The following CCDC7 variants were observed in gnomAD, a reference collection of about 807,000 sequenced individuals.
CCDC7 encodes coiled-coil domain-containing protein 7.
CCDC7 carries 183 observed loss-of-function variants against 196.9 expected under a neutral mutation model. That is an observed-to-expected ratio of 0.93 (90% CI 0.82 to 1.05). The LOEUF (loss-of-function observed/expected upper bound fraction) is 1.05, where lower values mean the gene tolerates loss of function less well. Ranked by LOEUF, CCDC7 falls within the 50% of genes least tolerant of loss-of-function variation. The pLI, the probability that CCDC7 is intolerant of heterozygous loss-of-function variation, is 0.00. For missense variants in CCDC7, 1,540 were observed against 1,482.2 expected (o/e 1.04, Z -0.64); for synonymous variants, 525 against 484.6 (o/e 1.08, Z -1.10).
chr10:32,685,547 C>A (rs1170288973), intron 21 of CCDC7, among the ~76,000 whole-genome samples: 1 of 152,166 alleles, frequency 6.6e-6, no homozygotes, highest in East Asian at 1.9e-4. Flanking sequence ...CCCTTGGACA[C>A]CCCTAGAACT....
At chr10:32,523,876 T>C (rs1358503556) in intron 11 of CCDC7, among the ~76,000 whole-genome samples, 1 of 152,106 alleles carries the variant, frequency 6.6e-6, no homozygotes, top group Non-Finnish European at 1.5e-5. Flanking sequence ...TCTTTATAGG[T>C]AAAGTATGTT....
chr10:32,845,641 T>A lies in CCDC7; in HGVS notation c.3520+15T>A. ...AAGTCACCCAGGTAAGAGAAAACAA[T>A]TTCAAGACTAATATTTATGGTTTAT... On this transcript the variant is annotated intron_variant, in intron 35 of 41. Transcript: ENST00000639629. 6.3e-7 allele frequency: 1 copy of A among 1,579,172 alleles called. No homozygotes were observed. Among genetic ancestry groups the A allele is most frequent in the Non-Finnish European group, 8.7e-7 (1 of 1,150,382 alleles).
chr10:32,763,826 G>A (rs1360655531), intron 28 of CCDC7, among the ~76,000 whole-genome samples: 1 of 151,740 alleles, frequency 6.6e-6, no homozygotes, highest in African/African-American at 2.4e-5. Flanking sequence ...GAGGGAAGGG[G>A]GACAAATGGG....
chr10:32,874,035 A>G (rs55637544), intron 41 of CCDC7, among the ~76,000 whole-genome samples: 13,655 of 151,472 alleles, frequency 0.09, 879 homozygotes, highest in East Asian at 0.33. Context: ...CTTTTCCTTC[A>G]CCAAATCCTG....
chr10:32,469,487 C>T (rs1355874715), intron 5 of CCDC7, among the ~76,000 whole-genome samples: 2 of 152,208 alleles, frequency 1.3e-5, no homozygotes, highest in Non-Finnish European at 2.9e-5. Context: ...CTCGAACTCA[C>T]TGGGAAGGTG....
chr10:32,545,793 C>A (rs1350674248), intron 13 of CCDC7, among the ~76,000 whole-genome samples: 1 of 151,702 alleles, frequency 6.6e-6, no homozygotes, highest in African/African-American at 2.4e-5. Context: ...GCAGTCCCAG[C>A]CACTCCAGAG....
intron 28 of CCDC7, among the ~76,000 whole-genome samples, chr10:32,738,473 C>CTT (rs33944221): frequency 0.059 from 6,489 of 109,568 alleles, 750 homozygotes; most frequent in African/African-American, 0.2. Flanking sequence ...GTTTCTTTCA[C>CTT]TTTTTTTTTT....
chr10:32,734,005 T>C (rs906756822), intron 28 of CCDC7, among the ~76,000 whole-genome samples: 2 of 152,198 alleles, frequency 1.3e-5, no homozygotes, highest in African/African-American at 4.8e-5. Flanking sequence ...TCAACCATTA[T>C]GGAAAACAGT....
At chr10:32,719,661 A>T (rs546696567) in intron 25 of CCDC7, among the ~76,000 whole-genome samples, 2 of 152,294 alleles carry the variant, frequency 1.3e-5, no homozygotes, top group South Asian at 4.1e-4. Flanking sequence ...AAGGAACTTA[A>T]ACAAATTTAC....
At chr10:32,603,930 TG>T (rs2061328564) in intron 18 of CCDC7, among the ~76,000 whole-genome samples, 1 of 152,294 alleles carries the variant, frequency 6.6e-6, no homozygotes, top group Non-Finnish European at 1.5e-5. Flanking sequence ...TTTCTTCTGC[TG>T]GGCAGAAGCT....
intron 9 of CCDC7, among the ~76,000 whole-genome samples, chr10:32,508,932 AT>A (rs4016795): frequency 0.097 from 11,323 of 116,440 alleles, 681 homozygotes; most frequent in African/African-American, 0.24. Flanking sequence ...TGTGCCTGGC[AT>A]TTTTTTTTTT....
chr10:32,572,866 C>CTT (rs576270039), intron 16 of CCDC7, among the ~76,000 whole-genome samples: 3,274 of 90,372 alleles, frequency 0.036, 433 homozygotes, highest in African/African-American at 0.13. Context: ...AAGCATGGTG[C>CTT]TTTTTTTTTT....
intron 26 of CCDC7, among the ~76,000 whole-genome samples, chr10:32,727,554 GC>G (rs1414317305): frequency 1.3e-5 from 2 of 152,004 alleles, no homozygotes; most frequent in African/African-American, 2.4e-5. Context: ...CCCTAGTAGG[GC>G]CCATCAACTT....
intron 28 of CCDC7, among the ~76,000 whole-genome samples, chr10:32,778,267 T>C (rs999411524): frequency 2.6e-4 from 39 of 152,232 alleles, no homozygotes; most frequent in African/African-American, 8.2e-4. Context: ...CCAAGGCTGA[T>C]ATTGAGAAGG....
intron 18 of CCDC7, among the ~76,000 whole-genome samples, chr10:32,633,824 G>C (rs2139568743): frequency 6.6e-6 from 1 of 151,364 alleles, no homozygotes. Flanking sequence ...GGTATACTTA[G>C]AGCAGTTTCA....
intron 32 of CCDC7, among the ~76,000 whole-genome samples, chr10:32,831,135 C>CCT (rs2092118454): frequency 6.6e-6 from 1 of 152,152 alleles, no homozygotes; most frequent in Non-Finnish European, 1.5e-5. Context: ...CAGACTTGTA[C>CCT]AGCATGTTAC....
intron 24 of CCDC7, among the ~76,000 whole-genome samples, chr10:32,704,156 A>C (rs7078469): frequency 0.45 from 68,492 of 151,862 alleles, 16,337 homozygotes; most frequent in East Asian, 0.58. Context: ...TACCTTTGGT[A>C]TTTGAGGATG....
chr10:32,517,188 T>C (rs2047156859), intron 9 of CCDC7, among the ~76,000 whole-genome samples: 1 of 152,128 alleles, frequency 6.6e-6, no homozygotes, highest in Non-Finnish European at 1.5e-5. Flanking sequence ...TCTAAGATAC[T>C]TACTATTTAG....
At chr10:32,665,791 G>C (rs1176268053) in intron 21 of CCDC7, among the ~76,000 whole-genome samples, 2 of 151,898 alleles carry the variant, frequency 1.3e-5, no homozygotes, top group Non-Finnish European at 2.9e-5. Context: ...ATTCATAACT[G>C]ATGGGCATTT....
Sources: gnomAD v4.1 joint callset for allele counts (sites outside exome capture counted in the v4.1 genomes callset) on GRCh38, gnomAD v4.1.1 for gene constraint, MANE v1.5 for transcripts, NCBI Gene and HGNC (gene_info 2026-07-23, HGNC 2026-07-21) for gene names.